The following MAT1A variants were observed in gnomAD, a reference collection of about 807,000 sequenced individuals.
MAT1A encodes S-adenosylmethionine synthase isoform type-1.
Under a neutral mutation model 44.0 loss-of-function variants are expected in MAT1A, and 19 were observed. The ratio of observed to expected loss-of-function variants is 0.43; its 90% CI spans 0.30 to 0.63. The LOEUF (loss-of-function observed/expected upper bound fraction) is 0.63. Ranked by LOEUF, MAT1A falls within the 30% of genes least tolerant of loss-of-function variation. The pLI, the probability that MAT1A is intolerant of heterozygous loss-of-function variation, is 0.12. For synonymous variants in MAT1A, 205 were observed against 205.6 expected (o/e 1.00, Z 0.03); for missense variants, 397 against 531.0 (o/e 0.75, Z 2.48).
chr10:80,274,874 C>A, intron 7 of MAT1A, 143 bp downstream of exon 7: 5 of 1,240,124 alleles, frequency 4.0e-6, no homozygotes, highest in South Asian at 1.3e-5. Flanking sequence ...AGAGCCCTGG[C>A]CACAGTGCCC....
intron 2 of MAT1A, among the ~76,000 whole-genome samples, chr10:80,284,576 C>A (rs1268028983): frequency 6.6e-6 from 1 of 152,212 alleles, no homozygotes; most frequent in Non-Finnish European, 1.5e-5. Flanking sequence ...GCTGAGGATG[C>A]AACCAGAGAG....
At chr10:80,276,229 G>A (rs574182468) in intron 6 of MAT1A, 147 bp downstream of exon 6, 2 of 800,730 alleles carry the variant, frequency 2.5e-6, no homozygotes, top group African/African-American at 1.7e-5. Flanking sequence ...AATGTACAGA[G>A]GCCAAAATTC....
intron 1 of MAT1A, 116 bp downstream of exon 1, chr10:80,289,217 G>T: frequency 1.2e-6 from 1 of 845,158 alleles, no homozygotes; most frequent in Non-Finnish European, 2.0e-6. Context: ...AACAACACAC[G>T]GTACCCCATA....
chr10:80,277,727 C>T (rs1163827418), intron 5 of MAT1A, among the ~76,000 whole-genome samples: 1 of 152,166 alleles, frequency 6.6e-6, no homozygotes, highest in Non-Finnish European at 1.5e-5. Flanking sequence ...TGGGTGACTC[C>T]ACCCCCACCC....
At chr10:80,274,259 C>T (rs1268681951) in intron 8 of MAT1A, among the ~76,000 whole-genome samples, 4 of 152,180 alleles carry the variant, frequency 2.6e-5, no homozygotes, top group Non-Finnish European at 4.4e-5. Flanking sequence ...TTCCTAAGAT[C>T]CCCGCCTGCC....
At chr10:80,280,858 A>C in intron 3 of MAT1A, 66 bp from the exon 4 acceptor site, 4 of 1,139,448 alleles carry the variant, frequency 3.5e-6, no homozygotes, top group Non-Finnish European at 5.3e-6. Context: ...AAACTTCCCA[A>C]TGGATGGCTC....
intron 6 of MAT1A, 141 bp downstream of exon 6, chr10:80,276,235 A>G: frequency 1.2e-6 from 1 of 859,394 alleles, no homozygotes; most frequent in Non-Finnish European, 1.9e-6. Context: ...CAGAGGCCAA[A>G]ATTCACCGAC....
intron 1 of MAT1A, among the ~76,000 whole-genome samples, chr10:80,288,847 C>A (rs1841682774): frequency 6.6e-6 from 1 of 152,200 alleles, no homozygotes; most frequent in South Asian, 2.1e-4. Context: ...ATACTCTTAG[C>A]CAGCCAGCTG....
Position 80,283,910 on chromosome 10 carries a change from C to T in MAT1A, c.292+6G>A, listed in dbSNP as rs772720968. The T allele has an allele frequency of 1.2e-6, 2 of 1,613,836 alleles. No homozygotes were observed. The highest frequency in any genetic ancestry group is 1.7e-6 in the Non-Finnish European group (2 of 1,180,058). ...AGGGATTTCAGACCCGGAGGCCTGC[C>T]CTCACCCTTGGCTGAGTCATCGTAG... On this transcript the variant is annotated splice_donor_region_variant and intron_variant, in intron 3 of 8. Transcript: ENST00000372213.
rs1185042393 is a variant in MAT1A, at chr10:80,273,822, T to G, written c.1147A>C (p.Ser383Arg). ...CTGGGAACCTCCCATGGGAACTCGC[T>G]TCTTCCGAAATGGCCGTAGCATGCT... is the stretch of plus-strand genomic sequence containing the variant. ...KTACYGHFGR[S>R]EFPWEVPRKL... The change falls in exon 9 of 9, where the codon AGC (serine) becomes CGC (arginine). Residue 383 changes from serine (S) to arginine (R), a missense_variant. Ser to Arg is a moderately radical substitution (Grantham distance 110). Coordinates refer to ENST00000372213, the MANE Select transcript of MAT1A (RefSeq NM_000429.3). 6.2e-7 allele frequency: 1 copy of G among 1,613,974 alleles called. No individual in the cohort carries two copies. The highest frequency in any genetic ancestry group is 8.5e-7 in the Non-Finnish European group (1 of 1,179,882).
chr10:80,277,103 A>G (rs1215132021), intron 5 of MAT1A, among the ~76,000 whole-genome samples: 1 of 152,214 alleles, frequency 6.6e-6, no homozygotes, highest in African/African-American at 2.4e-5. Context: ...TCTTCCAAGA[A>G]GAAGGTTGGA....
intron 2 of MAT1A, among the ~76,000 whole-genome samples, chr10:80,285,257 C>T (rs1841633425): frequency 6.6e-6 from 1 of 152,176 alleles, no homozygotes; most frequent in Non-Finnish European, 1.5e-5. Flanking sequence ...TGGTCCAACC[C>T]TCTGCTATTT....
In MAT1A at chr10:80,273,585, A is replaced by G; in HGVS notation, c.*196T>C. On this transcript the variant is annotated 3_prime_UTR_variant, in exon 9 of 9. Transcript: ENST00000372213. ...GAACACCATGCCCATCCTTACATCA[A>G]GATCCAACCTCCAGCACCAGGAAGC... is the stretch of plus-strand genomic sequence containing the variant. 1.6e-6 allele frequency: 1 copy of G among 611,270 alleles called. No individual in the cohort carries two copies. The highest frequency in any genetic ancestry group is 2.8e-5 in the East Asian group (1 of 35,492). The allele number at this position is 611,270 out of a possible 1,614,324, so 37.9% of individuals were successfully genotyped here. A position where few individuals can be genotyped will look rare whatever the true frequency, so the allele number is the denominator to read the frequency against.
chr10:80,285,503 GT>G lies in MAT1A; in HGVS notation c.169+8del. 6.2e-7 allele frequency: 1 copy of G among 1,613,174 alleles called. No homozygotes were observed. The highest frequency in any genetic ancestry group is 1.1e-5 in the South Asian group (1 of 91,072). On this transcript the variant is annotated splice_region_variant and intron_variant, in intron 2 of 8. Coordinates refer to ENST00000372213, the MANE Select transcript of MAT1A (RefSeq NM_000429.3). ...GGTCTCCAGCAGGGAGGGATCGGGT[GT>G]TTCTTACCACAGGCCACCTTGGCAT...
chr10:80,275,144 C>A lies in MAT1A; in HGVS notation c.824G>T (p.Gly275Val). Reference protein sequence around the residue: ...KIIVDTYGGWGAHGGGAFSGK... With the variant: ...KIIVDTYGGWVAHGGGAFSGK... Reference sequence around the variant, plus strand: ...AGAGAAGGCCCCACCACCATGAGCCCCCCAGCCGCCATAGGTGTCCACAAT... The same window carrying A: ...AGAGAAGGCCCCACCACCATGAGCCACCCAGCCGCCATAGGTGTCCACAAT... Residue 275 changes from glycine (G) to valine (V), a missense_variant, in exon 7 of 9, where the codon GGG (glycine) becomes GTG (valine). Gly to Val is a moderately radical substitution (Grantham distance 109, BLOSUM62 -3). Coordinates refer to ENST00000372213, the MANE Select transcript of MAT1A (RefSeq NM_000429.3). The A allele has an allele frequency of 6.2e-7, 1 of 1,613,256 alleles. No individual in the cohort carries two copies.
chr10:80,284,397 T>C (rs1841613930), intron 2 of MAT1A, among the ~76,000 whole-genome samples: 1 of 152,156 alleles, frequency 6.6e-6, no homozygotes, highest in Non-Finnish European at 1.5e-5. Context: ...AGTCCACACA[T>C]GTGACCCCCC....
intron 3 of MAT1A, among the ~76,000 whole-genome samples, chr10:80,282,942 T>C (rs779136332): frequency 6.6e-6 from 1 of 152,196 alleles, no homozygotes; most frequent in Non-Finnish European, 1.5e-5. Context: ...TACAGGTGTA[T>C]AGCTAGGCAG....
At position 80,272,186 on chromosome 10, in the gene MAT1A, C is replaced by CCTGAACCAGT. The variant is rs1445029188; in HGVS notation, c.*1594_*1595insACTGGTTCAG. Reference sequence around the variant, plus strand: ...AGACTTCCTGGGCTGCCTCTCCCAGCACCATGTACCCTAGAGAGAGGCCAA... The same window carrying CCTGAACCAGT: ...AGACTTCCTGGGCTGCCTCTCCCAGCCTGAACCAGTACCATGTACCCTAGAGAGAGGCCAA... On this transcript the variant is annotated 3_prime_UTR_variant, in exon 9 of 9. Transcript: ENST00000372213. 2.6e-5 allele frequency: 4 copies of CCTGAACCAGT among 152,172 alleles called. No individual in the cohort carries two copies. Among genetic ancestry groups the CCTGAACCAGT allele is most frequent in the Admixed American group, 2.0e-4 (3 of 15,270 alleles). The allele number at this position is 152,172 out of a possible 1,614,324, so 9.4% of individuals were successfully genotyped here.
At chr10:80,287,590 T>C (rs968376401) in intron 1 of MAT1A, among the ~76,000 whole-genome samples, 2 of 152,204 alleles carry the variant, frequency 1.3e-5, no homozygotes. Context: ...ACATTGCTGC[T>C]GCGCACAATG....
Sources: allele counts gnomAD v4.1 joint callset (sites outside exome capture counted in the v4.1 genomes callset), GRCh38; gene constraint gnomAD v4.1.1; transcripts MANE v1.5; gene names NCBI Gene and HGNC (gene_info 2026-07-23, HGNC 2026-07-21).